Variants in DZIP1 observed in about 807,000 individuals in gnomAD.
DZIP1 encodes the protein DAZ interacting zinc finger protein 1.
A neutral mutation model predicts 107.6 loss-of-function variants in DZIP1; 97 were observed. The observed-to-expected ratio is 0.90, with a 90% CI of 0.77 to 1.07. The LOEUF is 1.07. DZIP1 is among the 50% of genes least tolerant of loss of function. The pLI is 0.00. For missense variants in DZIP1, 1,035 were observed against 1,063.6 expected (o/e 0.97, Z 0.37); for synonymous variants, 390 against 386.4 (o/e 1.01, Z -0.11).
At chr13:95,599,501 G>A in intron 14 of DZIP1, 77 bp from the exon 15 acceptor site, 1 of 1,264,976 alleles carries the variant, frequency 7.9e-7, no homozygotes, top group South Asian at 1.2e-5. Context: ...AAATGATTTT[G>A]AAAGATATCA....
chr13:95,625,846 A>G (rs1876476594), intron 7 of DZIP1, among the ~76,000 whole-genome samples: 1 of 152,128 alleles, frequency 6.6e-6, no homozygotes, highest in Non-Finnish European at 1.5e-5. Context: ...AGAAAGGTCC[A>G]GGTGTGATGG....
At chr13:95,626,101 C>T (rs994670560) in intron 7 of DZIP1, among the ~76,000 whole-genome samples, 8 of 152,064 alleles carry the variant, frequency 5.3e-5, no homozygotes, top group African/African-American at 1.9e-4. Context: ...CACTGCACTC[C>T]AGCCTGGGCA....
rs557791058 is a variant in DZIP1 at position 95,594,549 on chromosome 13, C to T, written c.1538-463G>A. On this transcript the variant is annotated intron_variant, in intron 15 of 22. Coordinates refer to ENST00000376829, the MANE Select transcript of DZIP1 (RefSeq NM_198968.4). The stretch of plus-strand genomic sequence containing the variant: ...GCTCAGTGGCTCACACCTGTAATCC[C>T]AGCACTTTCGGAGGTTAAGGTGAGT... Among the ~76,000 whole-genome samples the T allele has an allele frequency of 3.3e-5, 5 of 152,192 alleles. No homozygotes were observed. The South Asian group carries it at 8.3e-4, about 25-fold the overall frequency.
At chr13:95,616,980 G>T (rs1875175996) in intron 10 of DZIP1, among the ~76,000 whole-genome samples, 2 of 152,092 alleles carry the variant, frequency 1.3e-5, no homozygotes, top group Admixed American at 1.3e-4. Flanking sequence ...GGCCGAGGCG[G>T]GTAGATCACC....
intron 14 of DZIP1, 65 bp from the exon 15 acceptor site, chr13:95,599,489 T>C: frequency 7.4e-7 from 1 of 1,347,798 alleles, no homozygotes; most frequent in South Asian, 1.2e-5. Flanking sequence ...TAGTTTCCTT[T>C]CAAATGATTT....
Position 95,589,136 on chromosome 13 carries a change from AT to A in DZIP1, c.2027+17del. The A allele has an allele frequency of 6.3e-7, 1 of 1,599,064 alleles. No individual in the cohort carries two copies. The highest frequency in any genetic ancestry group is 1.3e-5 in the African/African-American group (1 of 74,356). ...AAATAATTTTTTAAATGACCCTCCC[AT>A]CCCTGTCAATACTCACGTAATAGTT... On this transcript the variant is annotated intron_variant, in intron 19 of 22. Transcript: ENST00000376829.
chr13:95,593,655 C>G (rs1317075090), intron 16 of DZIP1, among the ~76,000 whole-genome samples: 1 of 152,198 alleles, frequency 6.6e-6, no homozygotes. Context: ...AGCTGTGAGA[C>G]ATTAATCAAG....
At chr13:95,590,176 A>G (rs544921937) in intron 17 of DZIP1, 103 bp downstream of exon 17, 3 of 1,220,916 alleles carry the variant, frequency 2.5e-6, no homozygotes, top group Non-Finnish European at 3.4e-6. Context: ...TTAACCATTT[A>G]AAATTATAAT....
chr13:95,641,861 G>T lies in DZIP1; in HGVS notation c.37-6C>A. 6.9e-7 allele frequency: 1 copy of T among 1,447,040 alleles called. No individual in the cohort carries two copies. The highest frequency in any genetic ancestry group is 1.5e-5 in the African/African-American group (1 of 66,394). 89.6% of individuals were successfully genotyped at this position (1,447,040 alleles called of 1,614,324 possible). A position where few individuals can be genotyped will look rare whatever the true frequency, so the allele number is the denominator to read the frequency against. On this transcript the variant is annotated splice_polypyrimidine_tract_variant and splice_region_variant and intron_variant, in intron 4 of 22. Transcript: ENST00000376829. The surrounding 1 kb of genome is among the most constrained non-coding windows in gnomAD (Gnocchi z 4.3). ...TAGACATGCTTCTGGAAGGGCTGCG[G>T]GGGGCACAAAGAGAGCGCGGCGGGA...
In DZIP1 at chr13:95,641,884, G is replaced by T; in HGVS notation, c.37-29C>A. The stretch of plus-strand genomic sequence containing the variant: ...CGGGGGGCACAAAGAGAGCGCGGCG[G>T]GAGGCGGGGATGGGGGGCGGGCAGG... On this transcript the variant is annotated intron_variant, in intron 4 of 22. Coordinates refer to ENST00000376829, the MANE Select transcript of DZIP1 (RefSeq NM_198968.4). This position sits in a 1 kb window ranked among gnomAD's most constrained non-coding sequence, Gnocchi z 4.3. 1 of 1,442,202 alleles carries T rather than the reference G, an allele frequency of 6.9e-7. No individual in the cohort carries two copies. The highest frequency in any genetic ancestry group is 1.5e-5 in the South Asian group (1 of 67,558). 89.3% of individuals were successfully genotyped at this position (1,442,202 alleles called of 1,614,324 possible).
chr13:95,639,608 G>C (rs1472960287), intron 5 of DZIP1, among the ~76,000 whole-genome samples: 1 of 107,314 alleles, frequency 9.3e-6, no homozygotes, highest in Admixed American at 9.5e-5. Context: ...AAAAAAAAAA[G>C]AGAGAGAGAG....
rs930094976 is a variant in DZIP1, at chr13:95,642,102, G to A, written c.-73C>T. 22 of 1,436,618 alleles carry A rather than the reference G, an allele frequency of 1.5e-5. No homozygotes were observed. The highest frequency in any genetic ancestry group is 3.0e-5 in the African/African-American group (2 of 66,368). 89.0% of individuals were successfully genotyped at this position (1,436,618 alleles called of 1,614,324 possible). ...GCCGCCGCCACAGCCCTCAGGAGCGGGAGAAGGCCGGGTTCCTCGCTTCCG... is the reference window on the plus strand; with the variant it reads ...GCCGCCGCCACAGCCCTCAGGAGCGAGAGAAGGCCGGGTTCCTCGCTTCCG... On this transcript the variant is annotated 5_prime_UTR_variant, in exon 4 of 23. Coordinates refer to ENST00000376829, the MANE Select transcript of DZIP1 (RefSeq NM_198968.4).
intron 8 of DZIP1, among the ~76,000 whole-genome samples, chr13:95,623,069 G>C (rs2139277143): frequency 6.6e-6 from 1 of 152,124 alleles, no homozygotes; most frequent in East Asian, 1.9e-4. Context: ...TTTTTTATGG[G>C]CACTTAATAG....
chr13:95,632,463 C>T (rs1383648329), intron 6 of DZIP1, among the ~76,000 whole-genome samples: 1 of 152,162 alleles, frequency 6.6e-6, no homozygotes, highest in African/African-American at 2.4e-5. Context: ...GCCCACCTGC[C>T]TGGGGACAAA....
chr13:95,638,172 C>A (rs530573093), intron 5 of DZIP1, among the ~76,000 whole-genome samples: 2 of 149,596 alleles, frequency 1.3e-5, no homozygotes, highest in African/African-American at 4.9e-5. Context: ...TCATTGCAAC[C>A]TCCACCTCCT....
intron 5 of DZIP1, among the ~76,000 whole-genome samples, chr13:95,633,857 TG>T (rs995932070): frequency 1.3e-5 from 2 of 151,202 alleles, no homozygotes; most frequent in African/African-American, 2.4e-5. Context: ...CGAAGGCAGT[TG>T]GGGGGTCACT....
At chr13:95,590,496 G>A (rs959159576) in intron 16 of DZIP1, 55 bp from the exon 17 acceptor site, 120 of 1,521,250 alleles carry the variant, frequency 7.9e-5, no homozygotes, top group Non-Finnish European at 9.9e-5. Flanking sequence ...TCATTTCATG[G>A]GCATATATCA....
rs1034996537 is a variant in DZIP1, at chr13:95,580,206, G to A, written c.*2028C>T. 3.3e-5 allele frequency: 5 copies of A among 151,908 alleles called. No individual in the cohort carries two copies. In the East Asian group the frequency reaches 9.7e-4, roughly 29 times the overall value. The allele number at this position is 151,908 out of a possible 1,614,324, so 9.4% of individuals were successfully genotyped here. Reference sequence around the variant, plus strand: ...AAAAAATTAAGCCAGGCATGGTGGTGGGCACCTGTAATCCCAGCTACTTGG... The same window carrying A: ...AAAAAATTAAGCCAGGCATGGTGGTAGGCACCTGTAATCCCAGCTACTTGG... On this transcript the variant is annotated 3_prime_UTR_variant, in exon 23 of 23. Transcript: ENST00000376829.
chr13:95,584,958 G>A (rs773041797), intron 21 of DZIP1, 48 bp from the exon 22 acceptor site: 1 of 1,522,550 alleles, frequency 6.6e-7, no homozygotes, highest in Non-Finnish European at 9.0e-7. Flanking sequence ...GAAAAAAATG[G>A]TGTCCCTCAA....
Sources: allele counts gnomAD v4.1 joint callset (sites outside exome capture counted in the v4.1 genomes callset), GRCh38; gene constraint gnomAD v4.1.1; non-coding constraint Gnocchi (gnomAD v3.1); transcripts MANE v1.5; gene names NCBI Gene and HGNC (gene_info 2026-07-23, HGNC 2026-07-21).